Variants in HECW2 observed in about 807,000 individuals in gnomAD.
The protein encoded by HECW2 is HECT, C2 and WW domain containing E3 ubiquitin protein ligase 2.
A neutral mutation model predicts 175.2 loss-of-function variants in HECW2; 61 were observed. The ratio of observed to expected loss-of-function variants is 0.35; its 90% CI spans 0.28 to 0.43. The LOEUF (loss-of-function observed/expected upper bound fraction) is 0.43. HECW2 is among the 20% of genes least tolerant of loss of function. HECW2 has a pLI of 1.00. For synonymous variants in HECW2, 671 were observed against 731.0 expected (o/e 0.92, Z 1.32); for missense variants, 1,524 against 2,000.5 (o/e 0.76, Z 4.54).
At position 196,308,158 on chromosome 2, in the gene HECW2, G is replaced by T. The variant is rs1428415788; in HGVS notation, c.2435-73C>A. 12 of 1,207,298 alleles carry T rather than the reference G, an allele frequency of 9.9e-6. No homozygotes were observed. In the Admixed American group the frequency reaches 3.2e-4, roughly 32 times the overall value. 74.8% of individuals were successfully genotyped at this position (1,207,298 alleles called of 1,614,324 possible). A position where few individuals can be genotyped will look rare whatever the true frequency, so the allele number is the denominator to read the frequency against. ...TGATTAATAGGGTTCATTAAGTTTG[G>T]CATGTGTTTTCTTTCTCTGACATGC... On this transcript the variant is annotated intron_variant, in intron 10 of 28. Transcript: ENST00000644978.
At chr2:196,358,756 T>G (rs1693478229) in intron 2 of HECW2, among the ~76,000 whole-genome samples, 1 of 152,168 alleles carries the variant, frequency 6.6e-6, no homozygotes, top group South Asian at 2.1e-4. Context: ...ATACATAAAT[T>G]AAAACAAAGG....
At chr2:196,565,696 C>A (rs1690163514) in intron 1 of HECW2, among the ~76,000 whole-genome samples, 1 of 152,148 alleles carries the variant, frequency 6.6e-6, no homozygotes, top group African/African-American at 2.4e-5. Flanking sequence ...TAACAATTAA[C>A]TGGCTGAAAT....
At chr2:196,551,366 G>C (rs1689596929) in intron 1 of HECW2, among the ~76,000 whole-genome samples, 1 of 151,920 alleles carries the variant, frequency 6.6e-6, no homozygotes, top group South Asian at 2.1e-4. Context: ...ACTCTTTTTT[G>C]CAAACATTTG....
At chr2:196,393,215 A>C (rs1344771133) in intron 2 of HECW2, among the ~76,000 whole-genome samples, 2 of 152,202 alleles carry the variant, frequency 1.3e-5, no homozygotes, top group Non-Finnish European at 2.9e-5. Context: ...CCTAAGCAAT[A>C]CCATTCAGGA....
chr2:196,482,256 T>G (rs1334300160), intron 1 of HECW2, among the ~76,000 whole-genome samples: 1 of 152,210 alleles, frequency 6.6e-6, no homozygotes, highest in Non-Finnish European at 1.5e-5. Context: ...GTGCAACCCA[T>G]CAGCTATAGG....
At chr2:196,563,111 T>C (rs1253311283) in intron 1 of HECW2, among the ~76,000 whole-genome samples, 1 of 152,150 alleles carries the variant, frequency 6.6e-6, no homozygotes, top group African/African-American at 2.4e-5. Flanking sequence ...CTTCAATAAT[T>C]AAGAGGTATA....
intron 2 of HECW2, among the ~76,000 whole-genome samples, chr2:196,425,578 A>G (rs1023875797): frequency 2.0e-5 from 3 of 152,270 alleles, no homozygotes; most frequent in Non-Finnish European, 2.9e-5. Context: ...AGGGTTCAAG[A>G]CTTCAGTGAT....
At chr2:196,258,867 C>T (rs1274694076) in intron 17 of HECW2, among the ~76,000 whole-genome samples, 2 of 152,106 alleles carry the variant, frequency 1.3e-5, no homozygotes, top group African/African-American at 2.4e-5. Flanking sequence ...GATTCCTATA[C>T]CATAAAGTAA....
chr2:196,228,444 T>C (rs943889173), intron 21 of HECW2, among the ~76,000 whole-genome samples, 190 bp from the exon 22 acceptor site: 1 of 152,148 alleles, frequency 6.6e-6, no homozygotes, highest in Non-Finnish European at 1.5e-5. Context: ...ATTAGTAAAA[T>C]GGACATTTAT....
intron 25 of HECW2, among the ~76,000 whole-genome samples, chr2:196,220,574 T>C (rs1434882787): frequency 6.6e-6 from 1 of 152,220 alleles, no homozygotes; most frequent in African/African-American, 2.4e-5. Context: ...AAATGCTACT[T>C]GAATGCAGTC....
chr2:196,558,469 T>C (rs529253580), intron 1 of HECW2, among the ~76,000 whole-genome samples: 4 of 152,366 alleles, frequency 2.6e-5, no homozygotes, highest in East Asian at 3.9e-4. Context: ...TATATGAGCA[T>C]GAGCATACTT....
At chr2:196,208,225 C>T (rs1414485709) in intron 28 of HECW2, among the ~76,000 whole-genome samples, 1 of 152,210 alleles carries the variant, frequency 6.6e-6, no homozygotes, top group Non-Finnish European at 1.5e-5. Context: ...TGCATGTTAT[C>T]TCATTTAATC....
chr2:196,313,609 A>T (rs1691580929), intron 10 of HECW2, among the ~76,000 whole-genome samples: 1 of 152,222 alleles, frequency 6.6e-6, no homozygotes, highest in Non-Finnish European at 1.5e-5. Flanking sequence ...CCACTGATCA[A>T]ACTTAGTACT....
intron 1 of HECW2, among the ~76,000 whole-genome samples, chr2:196,505,651 A>G (rs1359669590): frequency 6.6e-6 from 1 of 152,250 alleles, no homozygotes; most frequent in African/African-American, 2.4e-5. Flanking sequence ...CTGATTTTTC[A>G]AAAGAGGAAA....
At chr2:196,426,500 ATGT>A (rs1411576537) in intron 2 of HECW2, among the ~76,000 whole-genome samples, 1 of 151,974 alleles carries the variant, frequency 6.6e-6, no homozygotes, top group Non-Finnish European at 1.5e-5. Context: ...ATAATTAGTG[ATGT>A]TGATTTTTTT....
chr2:196,313,672 A>G (rs1320652689), intron 10 of HECW2, among the ~76,000 whole-genome samples: 1 of 152,232 alleles, frequency 6.6e-6, no homozygotes, highest in African/African-American at 2.4e-5. Flanking sequence ...ATGAAAAAAG[A>G]AGAAAGCAAA....
At chr2:196,496,814 C>G (rs1172884023) in intron 1 of HECW2, among the ~76,000 whole-genome samples, 4 of 152,152 alleles carry the variant, frequency 2.6e-5, no homozygotes, top group Admixed American at 2.6e-4. Context: ...CTGTGGAGGC[C>G]ATGTTACTCA....
chr2:196,341,980 A>T (rs1692768629), intron 3 of HECW2, among the ~76,000 whole-genome samples: 1 of 152,220 alleles, frequency 6.6e-6, no homozygotes, highest in Non-Finnish European at 1.5e-5. Context: ...CACGTTTAGT[A>T]AGTGCTATCT....
intron 1 of HECW2, among the ~76,000 whole-genome samples, chr2:196,562,766 AG>A (rs1690049060): frequency 6.6e-6 from 1 of 152,286 alleles, no homozygotes; most frequent in Non-Finnish European, 1.5e-5. Context: ...AGCTTTGGCC[AG>A]GGTTGGTGGC....
Sources: allele counts gnomAD v4.1 joint callset (sites outside exome capture counted in the v4.1 genomes callset), GRCh38; gene constraint gnomAD v4.1.1; transcripts MANE v1.5; gene names NCBI Gene and HGNC (gene_info 2026-07-23, HGNC 2026-07-21).